GPC5: variants seen among roughly 807,000 people sequenced by gnomAD.
GPC5 encodes glypican-5.
Under a neutral mutation model 53.9 loss-of-function variants are expected in GPC5, and 47 were observed. That is an observed-to-expected ratio of 0.87 (90% confidence interval 0.69 to 1.11). The LOEUF is 1.11. Among genes scored for constraint, GPC5 ranks in the 50% most tolerant of loss-of-function variants. The pLI is 0.00. For missense variants in GPC5, 748 were observed against 713.1 expected, an observed-to-expected ratio of 1.05 and a Z score of -0.56; for synonymous variants, 286 against 263.3, an observed-to-expected ratio of 1.09 and a Z score of -0.84.
intron 6 of GPC5, among the ~76,000 whole-genome samples, chr13:91,908,900 T>A (rs1384984260): frequency 6.6e-6 from 1 of 152,138 alleles, no homozygotes; most frequent in Non-Finnish European, 1.5e-5. Flanking sequence ...ACCTGAATAG[T>A]ACAGAGTTTT....
At chr13:92,261,529 T>G (rs999789564) in intron 7 of GPC5, among the ~76,000 whole-genome samples, 1 of 152,076 alleles carries the variant, frequency 6.6e-6, no homozygotes, top group Non-Finnish European at 1.5e-5. Flanking sequence ...CTCTGTAGAG[T>G]GTGCATTACT....
At chr13:91,569,215 C>T (rs913714355) in intron 2 of GPC5, among the ~76,000 whole-genome samples, 1 of 152,054 alleles carries the variant, frequency 6.6e-6, no homozygotes, top group Non-Finnish European at 1.5e-5. Flanking sequence ...GAAAGTGTCA[C>T]TTGAAATTAG....
intron 2 of GPC5, among the ~76,000 whole-genome samples, chr13:91,468,390 G>A (rs1221561528): frequency 6.6e-6 from 1 of 152,090 alleles, no homozygotes; most frequent in Non-Finnish European, 1.5e-5. Flanking sequence ...TGGCAATAAG[G>A]TCTTTGCAGA....
At chr13:91,930,293 A>G (rs1269946153) in intron 6 of GPC5, among the ~76,000 whole-genome samples, 2 of 152,088 alleles carry the variant, frequency 1.3e-5, no homozygotes, top group African/African-American at 4.8e-5. Flanking sequence ...AAAAAATTAT[A>G]GAAGGTTAGA....
intron 2 of GPC5, among the ~76,000 whole-genome samples, chr13:91,595,472 TTAAC>T (rs2032960604): frequency 6.6e-6 from 1 of 152,220 alleles, no homozygotes; most frequent in African/African-American, 2.4e-5. Context: ...CTTTTGTTCT[TTAAC>T]TTGTGAATTA....
chr13:91,518,405 C>A (rs1317749581), intron 2 of GPC5, among the ~76,000 whole-genome samples: 1 of 151,954 alleles, frequency 6.6e-6, no homozygotes, highest in African/African-American at 2.4e-5. Context: ...GAAAGAAAAT[C>A]TAAAATTACA....
chr13:91,433,891 G>T (rs868324101), intron 1 of GPC5, among the ~76,000 whole-genome samples: 2,060 of 146,484 alleles, frequency 0.014, 26 homozygotes, highest in Middle Eastern at 0.036. Flanking sequence ...AAGATCGCCA[G>T]TCTAACTGGT....
intron 5 of GPC5, among the ~76,000 whole-genome samples, chr13:91,824,018 T>A (rs562330088): frequency 2.7e-4 from 41 of 152,178 alleles, no homozygotes; most frequent in Non-Finnish European, 4.9e-4. Flanking sequence ...CTTGAAATCA[T>A]GGGCCAGTAC....
chr13:92,820,200 C>T (rs936319723), intron 7 of GPC5, among the ~76,000 whole-genome samples: 1 of 152,092 alleles, frequency 6.6e-6, no homozygotes, highest in Non-Finnish European at 1.5e-5. Context: ...CAATCCAGAC[C>T]CCAGCCTGCT....
intron 7 of GPC5, among the ~76,000 whole-genome samples, chr13:92,286,931 C>G (rs979042455): frequency 6.6e-6 from 1 of 152,022 alleles, no homozygotes; most frequent in Non-Finnish European, 1.5e-5. Flanking sequence ...TGAAAATACA[C>G]GGAAGAAAAA....
intron 2 of GPC5, among the ~76,000 whole-genome samples, chr13:91,667,133 CTT>C (rs1364402230): frequency 6.6e-6 from 1 of 152,106 alleles, no homozygotes; most frequent in African/African-American, 2.4e-5. Context: ...TATCAACTGT[CTT>C]TTTGCATTTA....
At chr13:91,987,026 G>T (rs1355149015) in intron 6 of GPC5, among the ~76,000 whole-genome samples, 2 of 152,174 alleles carry the variant, frequency 1.3e-5, no homozygotes, top group Non-Finnish European at 2.9e-5. Flanking sequence ...AACAATCAAG[G>T]TTACACAAAG....
intron 2 of GPC5, among the ~76,000 whole-genome samples, chr13:91,598,072 C>G (rs1264292627): frequency 9.9e-5 from 15 of 152,110 alleles, no homozygotes; most frequent in Admixed American, 9.8e-4. Flanking sequence ...CTTTAAAACT[C>G]TACAAGTTTA....
At chr13:91,766,713 A>G (rs1008693746) in intron 5 of GPC5, among the ~76,000 whole-genome samples, 1 of 152,036 alleles carries the variant, frequency 6.6e-6, no homozygotes. Flanking sequence ...ATACAAAATT[A>G]ACTGTGTGTG....
chr13:92,021,271 T>C (rs2040755929), intron 6 of GPC5, among the ~76,000 whole-genome samples: 2 of 152,164 alleles, frequency 1.3e-5, no homozygotes, highest in African/African-American at 4.8e-5. Context: ...GTATGGTATA[T>C]ACATGAAATG....
intron 3 of GPC5, among the ~76,000 whole-genome samples, chr13:91,697,653 AC>A (rs1028592464): frequency 6.6e-6 from 1 of 152,112 alleles, no homozygotes; most frequent in African/African-American, 2.4e-5. Context: ...TTAATAGATT[AC>A]CCTCTTGTTA....
chr13:91,588,109 G>A (rs2032665065), intron 2 of GPC5, among the ~76,000 whole-genome samples: 2 of 152,144 alleles, frequency 1.3e-5, no homozygotes, highest in South Asian at 2.1e-4. Context: ...GAAACTAACA[G>A]CACTGGTGTA....
chr13:91,705,049 G>A (rs2036069757), intron 3 of GPC5, among the ~76,000 whole-genome samples: 1 of 152,176 alleles, frequency 6.6e-6, no homozygotes, highest in African/African-American at 2.4e-5. Flanking sequence ...AGCTATGCAT[G>A]GGAAGGGTGG....
chr13:92,239,016 A>C (rs1278494841), intron 7 of GPC5, among the ~76,000 whole-genome samples: 5 of 150,972 alleles, frequency 3.3e-5, no homozygotes, highest in Non-Finnish European at 5.9e-5. Flanking sequence ...TTTTCATGGA[A>C]TTATCTTAGC....
Sources: allele counts gnomAD v4.1 joint callset (sites outside exome capture counted in the v4.1 genomes callset), GRCh38; gene constraint gnomAD v4.1.1; transcripts MANE v1.5; gene names NCBI Gene and HGNC (gene_info 2026-07-23, HGNC 2026-07-21).